Variants in ACACA observed in about 807,000 individuals in gnomAD.
ACACA encodes acetyl-CoA carboxylase 1.
Under a neutral mutation model 296.1 loss-of-function variants are expected in ACACA, and 103 were observed. The ratio of observed to expected loss-of-function variants is 0.35; its 90% CI spans 0.30 to 0.41. The LOEUF (loss-of-function observed/expected upper bound fraction) is 0.41. ACACA is among the 10% of genes least tolerant of loss of function. The pLI, the probability that ACACA is intolerant of heterozygous loss-of-function variation, is 1.00. For missense variants in ACACA, 1,554 were observed against 2,989.7 expected (o/e 0.52, Z 11.20); for synonymous variants, 953 against 1,038.6 (o/e 0.92, Z 1.58).
chr17:37,130,003 A>G, intron 46 of ACACA, 72 bp downstream of exon 46: 2 of 1,580,296 alleles, frequency 1.3e-6, no homozygotes, highest in Non-Finnish European at 1.7e-6. Context: ...GACCTTAAAC[A>G]CAGAGGCAGT....
At chr17:37,328,082 T>G (rs2047701510) in intron 3 of ACACA, among the ~76,000 whole-genome samples, 1 of 152,244 alleles carries the variant, frequency 6.6e-6, no homozygotes, top group Non-Finnish European at 1.5e-5. Flanking sequence ...GATAATGCTT[T>G]GTTCACTAAC....
At chr17:37,302,984 C>T (rs981303124) in intron 3 of ACACA, among the ~76,000 whole-genome samples, 16 of 152,032 alleles carry the variant, frequency 1.1e-4, no homozygotes, top group Admixed American at 7.9e-4. Flanking sequence ...TTTAAAGAGA[C>T]GAGGTCTTGC....
chr17:37,297,439 C>T (rs2083397056), intron 3 of ACACA, among the ~76,000 whole-genome samples: 1 of 123,446 alleles, frequency 8.1e-6, no homozygotes, highest in South Asian at 2.4e-4. Flanking sequence ...GAAACTCTGT[C>T]TCGAAAGAAA....
At chr17:37,247,958 A>C (rs2080797886) in intron 18 of ACACA, 53 bp downstream of exon 18, 22 of 1,611,120 alleles carry the variant, frequency 1.4e-5, no homozygotes, top group Non-Finnish European at 1.9e-5. Context: ...AGTAGCTAAT[A>C]AGAGAAAAGG....
At chr17:37,350,494 T>C (rs774666039) in intron 1 of ACACA, among the ~76,000 whole-genome samples, 51 of 151,954 alleles carry the variant, frequency 3.4e-4, no homozygotes, top group Non-Finnish European at 7.1e-4. Context: ...CATTCCAGCA[T>C]GGGCAAAAGA....
intron 42 of ACACA, among the ~76,000 whole-genome samples, chr17:37,160,119 GAAC>G (rs981274278): frequency 1.3e-5 from 2 of 152,164 alleles, no homozygotes; most frequent in Non-Finnish European, 2.9e-5. Flanking sequence ...GAGACAGCAA[GAAC>G]AACTCCTTTA....
At chr17:37,127,442 G>A (rs925094408) in intron 47 of ACACA, among the ~76,000 whole-genome samples, 2 of 152,098 alleles carry the variant, frequency 1.3e-5, no homozygotes, top group Non-Finnish European at 2.9e-5. Flanking sequence ...ACCCAGTTCC[G>A]ATGCAGAACC....
chr17:37,291,094 A>G (rs535633438), intron 3 of ACACA, among the ~76,000 whole-genome samples: 1 of 150,762 alleles, frequency 6.6e-6, no homozygotes, highest in Non-Finnish European at 1.5e-5. Context: ...AAAAAAAAAA[A>G]AAAGAAAAAG....
chr17:37,361,530 GA>G lies in ACACA; in HGVS notation c.39-21681del, dbSNP rs61049917. Among the ~76,000 whole-genome samples, 141 of 151,008 alleles carry G rather than the reference GA, an allele frequency of 9.3e-4. 1 individual carries two copies. The highest frequency in any genetic ancestry group is 3.3e-3 in the African/African-American group (137 of 41,230). ...AGAAAGTCCTAATAGAAGCTACAGT[GA>G]AAAAAAAAGTAATTAAGGAAGGATG... On this transcript the variant is annotated intron_variant, in intron 1 of 55. Coordinates refer to ENST00000616317, the MANE Select transcript of ACACA (RefSeq NM_198834.3).
At chr17:37,099,874 T>C (rs2073256638) in intron 52 of ACACA, among the ~76,000 whole-genome samples, 1 of 152,006 alleles carries the variant, frequency 6.6e-6, no homozygotes, top group South Asian at 2.1e-4. Context: ...GGGTATATTG[T>C]GACAAAAAAA....
rs2081414014 is a variant in ACACA at position 37,260,276 on chromosome 17, ATATATATATATATATATATATTTTTTTT to A, written c.1330-774_1330-747del. 1.3e-4 allele frequency among the ~76,000 whole-genome samples: 4 copies of A among 29,828 alleles called. 1 individual carries two copies. Among genetic ancestry groups the A allele is most frequent in the African/African-American group, 6.9e-4 (4 of 5,776 alleles). 19.6% of individuals were successfully genotyped at this position (29,828 alleles called of 152,430 possible). Reference sequence around the variant, plus strand: ...TATATATATATATATATATATATATATATATATATATATATATATATTTTTTTTTTTTTTTTTTTTGGAGATGGAGTCT... The same window carrying A: ...TATATATATATATATATATATATATATTTTTTTTTTTTGGAGATGGAGTCT... On this transcript the variant is annotated intron_variant, in intron 11 of 55. Transcript: ENST00000616317.
chr17:37,208,300 A>G (rs565718215), intron 30 of ACACA, among the ~76,000 whole-genome samples: 35 of 152,220 alleles, frequency 2.3e-4, no homozygotes, highest in Non-Finnish European at 3.5e-4. Flanking sequence ...TAAAACAACA[A>G]TTGTAATTAA....
At position 37,193,435 on chromosome 17, in the gene ACACA, A is replaced by G. The variant is rs775510319; in HGVS notation, c.4159-20T>C. ...TTCTCTCTGTATTAAAGAAGGGGGA[A>G]AAATGTGTCAGTAGTTCATAGACAT... On this transcript the variant is annotated intron_variant, in intron 35 of 55. Transcript: ENST00000616317. The G allele has an allele frequency of 6.3e-7, 1 of 1,581,004 alleles. No homozygotes were observed. Among genetic ancestry groups the G allele is most frequent in the South Asian group, 1.1e-5 (1 of 90,298 alleles).
intron 31 of ACACA, 22 bp downstream of exon 31, chr17:37,207,635 A>C (rs990517195): frequency 6.2e-7 from 1 of 1,613,536 alleles, no homozygotes; most frequent in Non-Finnish European, 8.5e-7. Flanking sequence ...CCTTGTACAG[A>C]CATAGTTCCA....
Position 37,283,948 on chromosome 17 carries a change from T to G in ACACA, c.472-543A>C, listed in dbSNP as rs149399648. Among the ~76,000 whole-genome samples the G allele has an allele frequency of 1.6e-4, 25 of 152,334 alleles. No individual in the cohort carries two copies. In the East Asian group the frequency reaches 2.5e-3, roughly 15 times the overall value. ...TAGAAAAATAGAATAATCCTGAGACTTTCTGTAAACAAACCTTTCGTCTCC... is the reference window on the plus strand; with the variant it reads ...TAGAAAAATAGAATAATCCTGAGACGTTCTGTAAACAAACCTTTCGTCTCC... On this transcript the variant is annotated intron_variant, in intron 4 of 55. Transcript: ENST00000616317.
intron 1 of ACACA, among the ~76,000 whole-genome samples, chr17:37,404,853 C>T (rs554910345): frequency 1.1e-4 from 17 of 152,242 alleles, no homozygotes; most frequent in Admixed American, 3.9e-4. Context: ...GATGGGATTA[C>T]AGGTGTGAGC....
chr17:37,401,961 A>C (rs563369460), intron 1 of ACACA, among the ~76,000 whole-genome samples: 1 of 152,280 alleles, frequency 6.6e-6, no homozygotes, highest in Admixed American at 6.5e-5. Flanking sequence ...ACCAACCCTG[A>C]CAAGATACAA....
intron 42 of ACACA, among the ~76,000 whole-genome samples, chr17:37,158,193 G>A (rs544491993): frequency 6.6e-6 from 1 of 152,138 alleles, no homozygotes; most frequent in Non-Finnish European, 1.5e-5. Context: ...ACACATTAAA[G>A]GAAGATTAGA....
At position 37,206,844 on chromosome 17, in the gene ACACA, G is replaced by C. The variant is rs984323939; in HGVS notation, c.3887C>G (p.Ser1296Cys). The C allele has an allele frequency of 1.2e-6, 2 of 1,613,862 alleles. No individual in the cohort carries two copies. The highest frequency in any genetic ancestry group is 4.5e-5 in the East Asian group (2 of 44,876). The stretch of plus-strand genomic sequence containing the variant: ...AGGGAATGTGGGACTCTGGGGTGGG[G>C]AGTCAGAGAAGCAGCCCATCACTTC... ...FDEVMGCFSD[S>C]PPQSPTFPEA... is the part of the protein sequence containing the mutation. Residue 1296 changes from serine to cysteine, a missense_variant, in exon 32 of 56, where the codon TCC (serine) becomes TGC (cysteine). Physicochemically the swap from Ser to Cys is moderately radical, Grantham distance 112. Transcript: ENST00000616317.
Sources: allele counts gnomAD v4.1 joint callset (sites outside exome capture counted in the v4.1 genomes callset), GRCh38; gene constraint gnomAD v4.1.1; transcripts MANE v1.5; gene names NCBI Gene and HGNC (gene_info 2026-07-23, HGNC 2026-07-21).